The following LONRF1 variants were observed in gnomAD, a reference collection of about 807,000 sequenced individuals.
LONRF1 encodes LON peptidase N-terminal domain and RING finger protein 1.
Under a neutral mutation model 85.8 loss-of-function variants are expected in LONRF1, and 37 were observed. That is an observed-to-expected ratio of 0.43 (90% CI 0.33 to 0.57). The LOEUF (loss-of-function observed/expected upper bound fraction) is 0.57. Among genes scored for constraint, LONRF1 ranks in the 20% least tolerant of loss-of-function variants. The probability of loss-of-function intolerance (pLI) is 0.04; values close to 1 mark genes in which losing one functional copy is unlikely to be tolerated. For synonymous variants in LONRF1, 517 were observed against 390.1 expected, an observed-to-expected ratio of 1.33 and a Z score of -3.83; for missense variants, 1,036 against 978.0, an observed-to-expected ratio of 1.06 and a Z score of -0.79.
At chr8:12,751,294 A>ATTTTTTTTTTTTTTTTTTTTTTTTTTTTT (rs1554469328) in intron 1 of LONRF1, among the ~76,000 whole-genome samples, 1 of 84,810 alleles carries the variant, frequency 1.2e-5, no homozygotes, top group Non-Finnish European at 2.3e-5. Flanking sequence ...TTTTATTTTT[A>ATTTTTTTTTTTTTTTTTTTTTTTTTTTTT]TGTTTTTTTT....
chr8:12,727,205 G>A (rs373507895), intron 10 of LONRF1: 136 of 144,800 alleles, frequency 9.4e-4, no homozygotes, highest in African/African-American at 3.4e-3. Context: ...AACAAGGAAT[G>A]ATAACAATTA....
chr8:12,732,436 C>G (rs372218790), intron 7 of LONRF1, among the ~76,000 whole-genome samples: 4 of 152,114 alleles, frequency 2.6e-5, no homozygotes, highest in Middle Eastern at 3.2e-3. Flanking sequence ...CACTCAGACC[C>G]TTATCAAGAT....
In LONRF1 at chr8:12,755,106, C is replaced by A. The variant is rs1397177646; in HGVS notation, c.315G>T (p.Trp105Cys). 2.1e-6 allele frequency: 3 copies of A among 1,462,648 alleles called. No individual in the cohort carries two copies. Among genetic ancestry groups the A allele is most frequent in the Non-Finnish European group, 2.7e-6 (3 of 1,111,882 alleles). 90.6% of individuals were successfully genotyped at this position (1,462,648 alleles called of 1,614,324 possible). The stretch of plus-strand genomic sequence containing the variant: ...CAGCGCCTGCAACCGGGGCCGCGCT[C>A]CAGCCCAGCCCGTGGCGGAGCCGGT... Reference protein sequence around the residue: ...FNYRLRHGLGWSAAPVAGADG... With the variant: ...FNYRLRHGLGCSAAPVAGADG... Residue 105 changes from tryptophan to cysteine, a missense_variant, in exon 1 of 12, where the codon TGG (tryptophan) becomes TGT (cysteine). By Grantham distance (215) the Trp-to-Cys change is radical. Transcript: ENST00000398246.
chr8:12,752,143 C>A (rs564054127), intron 1 of LONRF1, among the ~76,000 whole-genome samples: 1 of 152,078 alleles, frequency 6.6e-6, no homozygotes, highest in Admixed American at 6.5e-5. Flanking sequence ...AAGAATTATA[C>A]GAAGAAATTA....
chr8:12,751,301 T>TTTTTTTTTTGTTTG (rs1554469357), intron 1 of LONRF1, among the ~76,000 whole-genome samples: 1 of 89,282 alleles, frequency 1.1e-5, no homozygotes, highest in Non-Finnish European at 2.5e-5. Flanking sequence ...TTTATGTTTT[T>TTTTTTTTTTGTTTG]TTTTTTTTTT....
intron 1 of LONRF1, among the ~76,000 whole-genome samples, chr8:12,752,386 AT>A (rs1226841116): frequency 4.6e-5 from 7 of 152,172 alleles, no homozygotes; most frequent in African/African-American, 9.7e-5. Flanking sequence ...TAGCTCTGAG[AT>A]TTTTTTCCTG....
intron 7 of LONRF1, among the ~76,000 whole-genome samples, chr8:12,732,699 T>C (rs1178547465): frequency 1.3e-5 from 2 of 152,244 alleles, no homozygotes; most frequent in Non-Finnish European, 2.9e-5. Flanking sequence ...CATATTTTAC[T>C]GTTTTTACCA....
chr8:12,751,571 CTGGGATTACAGGTT>C (rs1324547548), intron 1 of LONRF1, among the ~76,000 whole-genome samples: 5 of 151,596 alleles, frequency 3.3e-5, no homozygotes, highest in East Asian at 1.9e-4. Context: ...TCCCAAAGTG[CTGGGATTACAGGTT>C]TGAGCCACCA....
At chr8:12,748,430 C>T (rs770137777) in intron 1 of LONRF1, among the ~76,000 whole-genome samples, 1 of 152,124 alleles carries the variant, frequency 6.6e-6, no homozygotes, top group Non-Finnish European at 1.5e-5. Context: ...CTCTTGGGCT[C>T]AAGTGGTCCT....
chr8:12,745,947 C>G (rs1367857577), intron 1 of LONRF1, among the ~76,000 whole-genome samples: 3 of 152,078 alleles, frequency 2.0e-5, no homozygotes, highest in Non-Finnish European at 2.9e-5. Context: ...GATTTTTCAC[C>G]CTAACTTCAG....
In LONRF1 at chr8:12,733,483, A is replaced by G. The variant is rs542800200; in HGVS notation, c.1567-1626T>C. On this transcript the variant is annotated intron_variant, in intron 7 of 11. Transcript: ENST00000398246. ...AAGCAAAACATCTGTTTTGTTCCCAATTTCAGACACAGTCTGTAGATAATT... is the reference window on the plus strand; with the variant it reads ...AAGCAAAACATCTGTTTTGTTCCCAGTTTCAGACACAGTCTGTAGATAATT... Among the ~76,000 whole-genome samples, 7 of 152,248 alleles carry G rather than the reference A, an allele frequency of 4.6e-5. No homozygotes were observed. In the East Asian group the frequency reaches 1.2e-3, roughly 25 times the overall value.
intron 4 of LONRF1, 131 bp downstream of exon 4, chr8:12,737,864 T>A (rs1043482492): frequency 1.2e-6 from 1 of 867,454 alleles, no homozygotes; most frequent in Non-Finnish European, 1.7e-6. Context: ...ATGGAAAAAA[T>A]TCTACTATGA....
chr8:12,733,516 C>CA (rs1459778088), intron 7 of LONRF1, among the ~76,000 whole-genome samples: 1 of 152,080 alleles, frequency 6.6e-6, no homozygotes, highest in Non-Finnish European at 1.5e-5. Context: ...ATTTTTCTTT[C>CA]AAGTTTTTCT....
Position 12,737,097 on chromosome 8 carries a change from C to T in LONRF1, c.1157G>A (p.Ser386Asn). Residue 386 changes from serine to asparagine, a missense_variant, in exon 5 of 12, where the codon AGC (serine) becomes AAC (asparagine). Physicochemically the swap from Ser to Asn is conservative, Grantham distance 46 (BLOSUM62 1). Coordinates refer to ENST00000398246, the MANE Select transcript of LONRF1 (RefSeq NM_152271.5). Reference sequence around the variant, plus strand: ...CTGTGCTGACTGAGCACGGTTTAAGCTTCCTTTGACAGGCTCTGAAGTGAC... The same window carrying T: ...CTGTGCTGACTGAGCACGGTTTAAGTTTCCTTTGACAGGCTCTGAAGTGAC... ...PEVTSEPVKG[S>N]LNRAQSAQSI... The T allele has an allele frequency of 1.2e-6, 2 of 1,613,540 alleles. No homozygotes were observed. Among genetic ancestry groups the T allele is most frequent in the Non-Finnish European group, 1.7e-6 (2 of 1,179,640 alleles).
rs779494064 is a variant in LONRF1 at position 12,735,274 on chromosome 8, A to G, written c.1566+12T>C. 6.4e-7 allele frequency: 1 copy of G among 1,550,586 alleles called. No individual in the cohort carries two copies. Among genetic ancestry groups the G allele is most frequent in the Admixed American group, 1.7e-5 (1 of 57,684 alleles). The stretch of plus-strand genomic sequence containing the variant: ...TTAAGACCAACAAACAGACACATAT[A>G]CAAATATTTACCTCTTTTAAGCTTT... On this transcript the variant is annotated intron_variant, in intron 7 of 11. Coordinates refer to ENST00000398246, the MANE Select transcript of LONRF1 (RefSeq NM_152271.5).
intron 10 of LONRF1, among the ~76,000 whole-genome samples, chr8:12,726,225 G>A (rs1798296167): frequency 6.6e-6 from 1 of 152,086 alleles, no homozygotes; most frequent in African/African-American, 2.4e-5. Context: ...ATGGATCAAT[G>A]GTTTTTGAAA....
intron 1 of LONRF1, among the ~76,000 whole-genome samples, chr8:12,744,690 T>A (rs1401419934): frequency 6.6e-6 from 1 of 152,070 alleles, no homozygotes; most frequent in Non-Finnish European, 1.5e-5. Context: ...TATGGCAAAA[T>A]AGTCTAAGAA....
rs564262983 is a variant in LONRF1, at chr8:12,737,656, T to A, written c.1113+339A>T. On this transcript the variant is annotated intron_variant, in intron 4 of 11. Transcript: ENST00000398246. ...AGGGATGACTGTACTTACACAGCCC[T>A]AGAAATCAAGGTGACTTATGTTATA... Among the ~76,000 whole-genome samples, 7 of 152,202 alleles carry A rather than the reference T, an allele frequency of 4.6e-5. No homozygotes were observed. The East Asian group carries it at 1.4e-3, about 29-fold the overall frequency.
chr8:12,736,870 T>C (rs1360285462), intron 5 of LONRF1, 30 bp downstream of exon 5: 5 of 1,573,956 alleles, frequency 3.2e-6, no homozygotes, highest in Non-Finnish European at 4.3e-6. Context: ...AATAAATTTA[T>C]TTTATATAAG....
Sources: allele counts gnomAD v4.1 joint callset (sites outside exome capture counted in the v4.1 genomes callset), GRCh38; gene constraint gnomAD v4.1.1; transcripts MANE v1.5; gene names NCBI Gene and HGNC (gene_info 2026-07-23, HGNC 2026-07-21).